The following GRID1 variants were observed in gnomAD, a reference collection of about 807,000 sequenced individuals.
The protein encoded by GRID1 is glutamate ionotropic receptor delta type subunit 1, also known as glutamate receptor ionotropic, delta-1.
GRID1 carries 28 observed loss-of-function variants against 98.0 expected under a neutral mutation model. The ratio of observed to expected loss-of-function variants is 0.29; its 90% CI spans 0.21 to 0.39. The LOEUF is 0.39. GRID1 is among the 10% of genes least tolerant of loss of function. The pLI is 1.00. For synonymous variants in GRID1, 553 were observed against 538.5 expected (o/e 1.03, Z -0.37); for missense variants, 1,111 against 1,340.5 (o/e 0.83, Z 2.67).
At chr10:86,098,365 T>A (rs1482469538) in intron 4 of GRID1, among the ~76,000 whole-genome samples, 1 of 152,228 alleles carries the variant, frequency 6.6e-6, no homozygotes, top group Admixed American at 6.5e-5. Flanking sequence ...GCCTACACAG[T>A]CATCTGATGC....
intron 2 of GRID1, among the ~76,000 whole-genome samples, chr10:86,292,988 C>T (rs981447118): frequency 3.9e-5 from 6 of 152,080 alleles, no homozygotes; most frequent in African/African-American, 1.2e-4. Context: ...CTGGACTCTA[C>T]GAAAATCACA....
rs55651624 is a variant in GRID1 at position 85,786,284 on chromosome 10, C to T, written c.1234-56670G>A. On this transcript the variant is annotated intron_variant, in intron 8 of 15. Coordinates refer to ENST00000327946, the MANE Select transcript of GRID1 (RefSeq NM_017551.3). ...GCACTCATTAGGCACCAACCACACA[C>T]CAGACACTGCACTTGGCATCTGAGA... 1.7e-3 allele frequency among the ~76,000 whole-genome samples: 264 copies of T among 152,330 alleles called. 2 individuals are homozygous for T. The highest frequency in any genetic ancestry group is 6.2e-3 in the African/African-American group (256 of 41,580).
intron 4 of GRID1, among the ~76,000 whole-genome samples, chr10:85,975,456 C>T (rs1332931978): frequency 2.0e-5 from 3 of 152,086 alleles, no homozygotes; most frequent in Non-Finnish European, 2.9e-5. Flanking sequence ...GCCAAGAGGG[C>T]GATTGTCCTA....
At chr10:85,937,697 C>T (rs1841945096) in intron 4 of GRID1, among the ~76,000 whole-genome samples, 2 of 152,170 alleles carry the variant, frequency 1.3e-5, no homozygotes, top group African/African-American at 2.4e-5. Context: ...CACTGCCCTC[C>T]TCCCACTGGA....
At chr10:86,181,244 C>A (rs947145354) in intron 3 of GRID1, among the ~76,000 whole-genome samples, 1 of 152,220 alleles carries the variant, frequency 6.6e-6, no homozygotes, top group Non-Finnish European at 1.5e-5. Context: ...CATCACTTTA[C>A]AAATCCAGGA....
At chr10:86,060,848 T>C (rs1843638325) in intron 4 of GRID1, among the ~76,000 whole-genome samples, 1 of 152,160 alleles carries the variant, frequency 6.6e-6, no homozygotes, top group South Asian at 2.1e-4. Flanking sequence ...ACTGGTCCCC[T>C]GTCCACAGGC....
At chr10:85,902,370 A>C (rs1424316149) in intron 5 of GRID1, among the ~76,000 whole-genome samples, 1 of 152,188 alleles carries the variant, frequency 6.6e-6, no homozygotes, top group Non-Finnish European at 1.5e-5. Context: ...GCGATTGAAA[A>C]ACGTATAAAT....
At chr10:86,336,253 A>C (rs1848219698) in intron 2 of GRID1, among the ~76,000 whole-genome samples, 2 of 152,242 alleles carry the variant, frequency 1.3e-5, no homozygotes, top group Admixed American at 1.3e-4. Context: ...ACATAGAAAC[A>C]CTAATAGGGT....
At chr10:86,357,579 C>T (rs1025250064) in intron 2 of GRID1, among the ~76,000 whole-genome samples, 1 of 152,144 alleles carries the variant, frequency 6.6e-6, no homozygotes, top group African/African-American at 2.4e-5. Context: ...CATATGTGCA[C>T]GTGTGTGTGC....
intron 2 of GRID1, among the ~76,000 whole-genome samples, chr10:86,288,454 G>T (rs867820): frequency 0.8 from 121,276 of 152,188 alleles, 50,090 homozygotes; most frequent in Non-Finnish European, 0.91. Context: ...AAGGCTTTTA[G>T]GAAGCAACCA....
Position 85,622,071 on chromosome 10 carries a change from G to A in GRID1, c.2194-2038C>T, listed in dbSNP as rs75739756. ...AAAACAAAATATGCTGGCTTAGAGAGAATGGAAAGGGACTCCAAGGAAAGC... is the reference window on the plus strand; with the variant it reads ...AAAACAAAATATGCTGGCTTAGAGAAAATGGAAAGGGACTCCAAGGAAAGC... On this transcript the variant is annotated intron_variant, in intron 13 of 15. Coordinates refer to ENST00000327946, the MANE Select transcript of GRID1 (RefSeq NM_017551.3). Among the ~76,000 whole-genome samples, 536 of 152,290 alleles carry A rather than the reference G, an allele frequency of 3.5e-3. 4 individuals carry two copies. Among genetic ancestry groups the A allele is most frequent in the African/African-American group, 0.013 (521 of 41,582 alleles).
At chr10:85,758,878 T>G (rs542639468) in intron 8 of GRID1, among the ~76,000 whole-genome samples, 9 of 152,258 alleles carry the variant, frequency 5.9e-5, no homozygotes, top group African/African-American at 1.9e-4. Context: ...TGGAACAGAC[T>G]CCAGACAAGC....
At chr10:86,157,819 T>A (rs1171381302) in intron 3 of GRID1, among the ~76,000 whole-genome samples, 1 of 152,076 alleles carries the variant, frequency 6.6e-6, no homozygotes. Context: ...TCAGTGAAGG[T>A]GTTGTCAGCA....
intron 4 of GRID1, among the ~76,000 whole-genome samples, chr10:86,088,054 C>T (rs1047311653): frequency 2.6e-5 from 4 of 152,232 alleles, no homozygotes; most frequent in Admixed American, 6.5e-5. Flanking sequence ...CAAACGCTTC[C>T]GTGGCTTTGT....
At chr10:85,861,828 C>T (rs541681813) in intron 6 of GRID1, among the ~76,000 whole-genome samples, 15 of 152,340 alleles carry the variant, frequency 9.8e-5, no homozygotes, top group Admixed American at 8.5e-4. Flanking sequence ...CCTGGAGAAG[C>T]TTCCAGATGA....
chr10:86,006,333 T>C (rs1842859805), intron 4 of GRID1, among the ~76,000 whole-genome samples: 1 of 152,192 alleles, frequency 6.6e-6, no homozygotes, highest in African/African-American at 2.4e-5. Context: ...AGAACTTAAA[T>C]GACAGGGCTG....
rs1178549520 is a variant in GRID1, at chr10:86,290,496, T to TA, written c.235+73444dup. ...ACTCCATCTCTACTAAAAATAAAAA[T>TA]AAAAAAATTAGCCAAGTGTGGTTGT... is the stretch of plus-strand genomic sequence containing the variant. On this transcript the variant is annotated intron_variant, in intron 2 of 15. Coordinates refer to ENST00000327946, the MANE Select transcript of GRID1 (RefSeq NM_017551.3). Among the ~76,000 whole-genome samples, 5 of 151,826 alleles carry TA rather than the reference T, an allele frequency of 3.3e-5. No homozygotes were observed. The East Asian group carries it at 5.8e-4, about 18-fold the overall frequency.
chr10:86,235,012 G>C (rs2132038283), intron 2 of GRID1, among the ~76,000 whole-genome samples: 1 of 152,370 alleles, frequency 6.6e-6, no homozygotes, highest in East Asian at 1.9e-4. Flanking sequence ...CCACGGACGT[G>C]CATGCAGATA....
chr10:86,066,365 G>A (rs760749899), intron 4 of GRID1, among the ~76,000 whole-genome samples: 1 of 152,172 alleles, frequency 6.6e-6, no homozygotes, highest in African/African-American at 2.4e-5. Context: ...ACTGACAGTT[G>A]AGCAGCTAAT....
Sources: allele counts gnomAD v4.1 joint callset (sites outside exome capture counted in the v4.1 genomes callset), GRCh38; gene constraint gnomAD v4.1.1; transcripts MANE v1.5; gene names NCBI Gene and HGNC (gene_info 2026-07-23, HGNC 2026-07-21).